The following B3GAT2 variants were observed in gnomAD, a reference collection of about 807,000 sequenced individuals.
B3GAT2 encodes galactosylgalactosylxylosylprotein 3-beta-glucuronosyltransferase 2.
In B3GAT2, 26 loss-of-function variants were observed where a neutral mutation model predicts 27.8. That is an observed-to-expected ratio of 0.93 (90% CI 0.68 to 1.30). The LOEUF is 1.30. Ranked by LOEUF, B3GAT2 falls within the 50% of genes most tolerant of loss-of-function variation. The pLI, the probability that B3GAT2 is intolerant of heterozygous loss-of-function variation, is 0.00. For missense variants in B3GAT2, 458 were observed against 459.0 expected (o/e 1.00, Z 0.02); for synonymous variants, 218 against 195.1 (o/e 1.12, Z -0.98).
chr6:70,860,470 C>T lies in B3GAT2; in HGVS notation c.*1193G>A, dbSNP rs368074386. On this transcript the variant is annotated 3_prime_UTR_variant, in exon 4 of 4. Coordinates refer to ENST00000230053, the MANE Select transcript of B3GAT2 (RefSeq NM_080742.3). ...TCATATTAAGAATGATCTGATTGAC[C>T]GTGTTGGTCTGTACTGATTCAATTT... The T allele has an allele frequency of 2.1e-5, 22 of 1,067,994 alleles. No individual in the cohort carries two copies. Among genetic ancestry groups the T allele is most frequent in the Middle Eastern group, 2.6e-4 (1 of 3,920 alleles). The allele number at this position is 1,067,994 out of a possible 1,614,324, so 66.2% of individuals were successfully genotyped here.
intron 2 of B3GAT2, among the ~76,000 whole-genome samples, chr6:70,884,201 G>T (rs1171095217): frequency 1.3e-5 from 2 of 151,984 alleles, no homozygotes; most frequent in African/African-American, 4.8e-5. Context: ...TCAAGTGTGG[G>T]TGTTTTTTCA....
rs141770803 is a variant in B3GAT2, at chr6:70,910,920, T to C, written c.592-16648A>G. Among the ~76,000 whole-genome samples, 73 of 152,362 alleles carry C rather than the reference T, an allele frequency of 4.8e-4. 2 individuals carry two copies. In the East Asian group the frequency reaches 0.014, roughly 29 times the overall value. On this transcript the variant is annotated intron_variant, in intron 1 of 3. Transcript: ENST00000230053. Reference sequence around the variant, plus strand: ...GTGGTTTTAATTTGTATTTCTCTAATGATTAGTGATGTTGGGCATTTTTTC... The same window carrying C: ...GTGGTTTTAATTTGTATTTCTCTAACGATTAGTGATGTTGGGCATTTTTTC...
At chr6:70,899,897 T>G (rs556139450) in intron 1 of B3GAT2, among the ~76,000 whole-genome samples, 1 of 152,318 alleles carries the variant, frequency 6.6e-6, no homozygotes, top group Admixed American at 6.5e-5. Context: ...AACTAAAATA[T>G]TCTCAGTATT....
intron 1 of B3GAT2, among the ~76,000 whole-genome samples, chr6:70,900,493 A>G (rs770635234): frequency 6.6e-6 from 1 of 151,630 alleles, no homozygotes; most frequent in Non-Finnish European, 1.5e-5. Flanking sequence ...GGATCAAGTG[A>G]TCCTCCCACC....
At chr6:70,939,200 C>T (rs1480705888) in intron 1 of B3GAT2, among the ~76,000 whole-genome samples, 3 of 147,802 alleles carry the variant, frequency 2.0e-5, no homozygotes, top group Admixed American at 6.8e-5. Context: ...CAATGAGATA[C>T]CATCTCACAC....
chr6:70,943,283 C>A (rs1381172564), intron 1 of B3GAT2, among the ~76,000 whole-genome samples: 1 of 152,192 alleles, frequency 6.6e-6, no homozygotes, highest in East Asian at 1.9e-4. Context: ...AACAAGTGAG[C>A]AGTCAAATGA....
At position 70,876,247 on chromosome 6, in the gene B3GAT2, G is replaced by A. The variant is rs147285340; in HGVS notation, c.737-14269C>T. On this transcript the variant is annotated intron_variant, in intron 2 of 3. Transcript: ENST00000230053. Reference sequence around the variant, plus strand: ...AAGGTACTTATTCCCCAATCCTAGTGAAATAATTTTTTAAATGGTAGCTCT... The same window carrying A: ...AAGGTACTTATTCCCCAATCCTAGTAAAATAATTTTTTAAATGGTAGCTCT... 3.9e-3 allele frequency among the ~76,000 whole-genome samples: 589 copies of A among 152,262 alleles called. 1 individual carries two copies. The highest frequency in any genetic ancestry group is 0.01 in the Middle Eastern group (3 of 294).
At chr6:70,871,498 C>T (rs993008254) in intron 2 of B3GAT2, among the ~76,000 whole-genome samples, 1 of 151,642 alleles carries the variant, frequency 6.6e-6, no homozygotes, top group Non-Finnish European at 1.5e-5. Flanking sequence ...TGTCCATTTT[C>T]ATATAGGTTA....
At chr6:70,915,126 T>C (rs1247355341) in intron 1 of B3GAT2, among the ~76,000 whole-genome samples, 1 of 152,238 alleles carries the variant, frequency 6.6e-6, no homozygotes, top group Non-Finnish European at 1.5e-5. Flanking sequence ...TATCTCATTG[T>C]GGTTTTGACT....
intron 2 of B3GAT2, among the ~76,000 whole-genome samples, chr6:70,883,260 A>G (rs1287397802): frequency 6.6e-6 from 1 of 152,208 alleles, no homozygotes; most frequent in Non-Finnish European, 1.5e-5. Flanking sequence ...ACTCGAACAG[A>G]TATCTGTGCA....
chr6:70,887,935 G>C (rs1254728483), intron 2 of B3GAT2, among the ~76,000 whole-genome samples: 1 of 152,184 alleles, frequency 6.6e-6, no homozygotes, highest in Non-Finnish European at 1.5e-5. Flanking sequence ...GGTGGGCAGG[G>C]GTGGGCCGGG....
At chr6:70,917,155 A>C (rs913586353) in intron 1 of B3GAT2, among the ~76,000 whole-genome samples, 2 of 152,010 alleles carry the variant, frequency 1.3e-5, no homozygotes, top group African/African-American at 4.8e-5. Flanking sequence ...GAATTTTTCC[A>C]TTTCTTCTAG....
intron 1 of B3GAT2, among the ~76,000 whole-genome samples, chr6:70,947,255 G>A (rs1349082263): frequency 6.6e-6 from 1 of 151,580 alleles, no homozygotes; most frequent in South Asian, 2.1e-4. Flanking sequence ...AGGAAATAGA[G>A]ACACAAAAAA....
intron 1 of B3GAT2, among the ~76,000 whole-genome samples, chr6:70,911,184 G>C (rs1017982507): frequency 6.6e-6 from 1 of 151,774 alleles, no homozygotes; most frequent in African/African-American, 2.4e-5. Context: ...CCCACTTGCC[G>C]TTTTTTTGTT....
chr6:70,956,355 C>A lies in B3GAT2; in HGVS notation c.75G>T (p.Val25=). 1 of 1,565,640 alleles carries A rather than the reference C, an allele frequency of 6.4e-7. No individual in the cohort carries two copies. The highest frequency in any genetic ancestry group is 8.7e-7 in the Non-Finnish European group (1 of 1,154,556). ...GCGGGGGCACTGGCCTGCGCGTGTC[C>A]ACGTCGAGCATGATGATGACAATTA... The part of the protein sequence containing the change: ...WILIVIIMLD[V]DTRRPVPPLT... Residue 25 remains valine, a synonymous_variant, in exon 1 of 4, where the codon GTG becomes GTT. Transcript: ENST00000230053.
chr6:70,868,305 C>A (rs1489703141), intron 2 of B3GAT2, among the ~76,000 whole-genome samples: 1 of 152,134 alleles, frequency 6.6e-6, no homozygotes, highest in Non-Finnish European at 1.5e-5. Context: ...AGATCCTGGC[C>A]ATTTAAATAA....
intron 1 of B3GAT2, among the ~76,000 whole-genome samples, chr6:70,930,287 G>A (rs1383881180): frequency 6.6e-6 from 1 of 152,160 alleles, no homozygotes; most frequent in Non-Finnish European, 1.5e-5. Context: ...CATAGGCAAG[G>A]ACTTCATGAC....
chr6:70,918,741 G>A (rs1772817942), intron 1 of B3GAT2, among the ~76,000 whole-genome samples: 1 of 152,194 alleles, frequency 6.6e-6, no homozygotes, highest in South Asian at 2.1e-4. Flanking sequence ...CTTCTGGCTT[G>A]TAGTGTTTCT....
At chr6:70,942,755 G>A (rs1400691210) in intron 1 of B3GAT2, among the ~76,000 whole-genome samples, 2 of 152,156 alleles carry the variant, frequency 1.3e-5, no homozygotes, top group African/African-American at 4.8e-5. Flanking sequence ...GGTAGAGAAG[G>A]CCTACTGACT....
Sources: allele counts gnomAD v4.1 joint callset (sites outside exome capture counted in the v4.1 genomes callset), GRCh38; gene constraint gnomAD v4.1.1; transcripts MANE v1.5; gene names NCBI Gene and HGNC (gene_info 2026-07-23, HGNC 2026-07-21).